Variants in DNAJB11 observed in about 807,000 individuals in gnomAD.
The protein encoded by DNAJB11 is dnaJ homolog subfamily B member 11.
DNAJB11 carries 30 observed loss-of-function variants against 47.2 expected under a neutral mutation model. The ratio of observed to expected loss-of-function variants is 0.64; its 90% confidence interval spans 0.48 to 0.86. DNAJB11 has a LOEUF of 0.86. DNAJB11 is among the 40% of genes least tolerant of loss of function. The probability of loss-of-function intolerance (pLI) is 0.00; values close to 1 mark genes in which losing one functional copy is unlikely to be tolerated. For synonymous variants in DNAJB11, 151 were observed against 159.9 expected (o/e 0.94, Z 0.42); for missense variants, 357 against 440.2 (o/e 0.81, Z 1.69).
chr3:186,570,873 G>A lies in DNAJB11; in HGVS notation c.-25G>A. The A allele has an allele frequency of 6.3e-7, 1 of 1,597,892 alleles. No individual in the cohort carries two copies. Among genetic ancestry groups the A allele is most frequent in the Non-Finnish European group, 8.5e-7 (1 of 1,172,106 alleles). On this transcript the variant is annotated 5_prime_UTR_variant, in exon 1 of 10. Coordinates refer to ENST00000265028, the MANE Select transcript of DNAJB11 (RefSeq NM_016306.6). ...CGGAGGAGGCTGTGAGGAGTGTGTG[G>A]AACAGGACCCGGGACAGAGGAACCA... is the stretch of plus-strand genomic sequence containing the variant.
At chr3:186,581,905 C>T (rs755739463) in intron 5 of DNAJB11, 90 bp from the exon 6 acceptor site, 10 of 1,078,556 alleles carry the variant, frequency 9.3e-6, no homozygotes, top group Non-Finnish European at 1.3e-5. Context: ...CAAGAAAAAG[C>T]TCTGATAAAA....
intron 1 of DNAJB11, among the ~76,000 whole-genome samples, 153 bp from the exon 2 acceptor site, chr3:186,571,942 T>A (rs1406522649): frequency 6.6e-6 from 1 of 152,246 alleles, no homozygotes; most frequent in African/African-American, 2.4e-5. Flanking sequence ...CTCTCTTTAG[T>A]CATTCTTTGT....
At chr3:186,580,076 A>G (rs547978271) in intron 4 of DNAJB11, 1 of 152,346 alleles carries the variant, frequency 6.6e-6, no homozygotes, top group African/African-American at 2.4e-5. Flanking sequence ...TTCATAAACC[A>G]GTGAGGTTGT....
At chr3:186,573,574 ACAG>A in intron 2 of DNAJB11, among the ~76,000 whole-genome samples, 1 of 152,018 alleles carries the variant, frequency 6.6e-6, no homozygotes, top group South Asian at 2.1e-4. Context: ...TTTAGTAGAG[ACAG>A]GGTTTCACTG....
intron 1 of DNAJB11, 94 bp downstream of exon 1, chr3:186,571,059 G>C: frequency 1.8e-6 from 2 of 1,132,860 alleles, no homozygotes; most frequent in Non-Finnish European, 2.5e-6. Flanking sequence ...CCAGACTGAC[G>C]GAGTGGAGAG....
chr3:186,578,950 A>C (rs1715391130), intron 4 of DNAJB11: 1 of 152,208 alleles, frequency 6.6e-6, no homozygotes, highest in African/African-American at 2.4e-5. Flanking sequence ...TGTGCAGTGG[A>C]GCACACTTGT....
chr3:186,571,037 G>GGGGGGGGGGGGGGGGGGGGC, intron 1 of DNAJB11, 72 bp downstream of exon 1: 1 of 940,412 alleles, frequency 1.1e-6, no homozygotes, highest in East Asian at 3.4e-5. Flanking sequence ...GGGGGTGGGG[G>GGGGGGGGGGGGGGGGGGGGC]AAGTGGCATT....
Position 186,584,382 on chromosome 3 carries a change from C to T in DNAJB11, c.853-48C>T. 5 of 1,499,540 alleles carry T rather than the reference C, an allele frequency of 3.3e-6. No individual in the cohort carries two copies. In the East Asian group the frequency reaches 7.1e-5, roughly 21 times the overall value. The allele number at this position is 1,499,540 out of a possible 1,614,324, so 92.9% of individuals were successfully genotyped here. A position where few individuals can be genotyped will look rare whatever the true frequency, so the allele number is the denominator to read the frequency against. On this transcript the variant is annotated intron_variant, in intron 8 of 9. Coordinates refer to ENST00000265028, the MANE Select transcript of DNAJB11 (RefSeq NM_016306.6). ...TGCTCACTAGAAGCTGTGTGATGTA[C>T]TTCAGATGTACCGCTCCTGCTGCAG...
chr3:186,575,982 G>A (rs1476024120), intron 3 of DNAJB11, 45 bp downstream of exon 3: 2 of 1,355,716 alleles, frequency 1.5e-6, no homozygotes, highest in Non-Finnish European at 1.1e-6. Context: ...CTGAGAGAGG[G>A]TCACTTAGCG....
At chr3:186,584,105 A>G in intron 8 of DNAJB11, 129 bp downstream of exon 8, 1 of 711,550 alleles carries the variant, frequency 1.4e-6, no homozygotes, top group Admixed American at 2.3e-5. Context: ...TGCCGTCTGT[A>G]CTTACTCTGC....
At chr3:186,572,748 A>G (rs1460976232) in intron 2 of DNAJB11, among the ~76,000 whole-genome samples, 1 of 152,232 alleles carries the variant, frequency 6.6e-6, no homozygotes, top group Non-Finnish European at 1.5e-5. Flanking sequence ...CTGCCTCCAT[A>G]TTGGGAAGCA....
chr3:186,571,080 G>C, intron 1 of DNAJB11, 115 bp downstream of exon 1: 1 of 1,001,666 alleles, frequency 1.0e-6, no homozygotes, highest in Non-Finnish European at 1.5e-6. Context: ...GGGCATCGCT[G>C]TGGGTTGGCG....
intron 2 of DNAJB11, among the ~76,000 whole-genome samples, chr3:186,575,624 A>C (rs1715264839): frequency 1.3e-5 from 2 of 152,200 alleles, no homozygotes; most frequent in Admixed American, 1.3e-4. Flanking sequence ...TAAATTAAAA[A>C]CATGAATGGA....
chr3:186,575,482 CAA>C (rs921380742), intron 2 of DNAJB11, among the ~76,000 whole-genome samples: 6 of 151,912 alleles, frequency 3.9e-5, no homozygotes, highest in Non-Finnish European at 7.4e-5. Flanking sequence ...GCATAAGCAC[CAA>C]AGTCAAACTG....
At chr3:186,578,108 C>G (rs1352697336) in intron 4 of DNAJB11, 3 of 167,804 alleles carry the variant, frequency 1.8e-5, no homozygotes, top group African/African-American at 7.1e-5. Context: ...GTTCTTTTGC[C>G]ATTCTTACTT....
At position 186,585,507 on chromosome 3, in the gene DNAJB11, G is replaced by A; in HGVS notation, c.*99G>A. On this transcript the variant is annotated 3_prime_UTR_variant, in exon 10 of 10. Transcript: ENST00000265028. ...GTGTTTTTGTTTTTATTTTCAATAT[G>A]CAAGTTAGGCTTAATTTTTTTATCT... 1.2e-6 allele frequency: 1 copy of A among 805,694 alleles called. No individual in the cohort carries two copies. Among genetic ancestry groups the A allele is most frequent in the Non-Finnish European group, 2.0e-6 (1 of 509,186 alleles). The allele number at this position is 805,694 out of a possible 1,614,324, so 49.9% of individuals were successfully genotyped here.
chr3:186,577,895 G>A (rs1057478882), intron 4 of DNAJB11, 95 bp downstream of exon 4: 47 of 1,064,438 alleles, frequency 4.4e-5, no homozygotes, highest in Non-Finnish European at 5.9e-5. Context: ...CTGTCTTTTT[G>A]AGGGTAAGAG....
rs1232869691 is a variant in DNAJB11 at position 186,580,623 on chromosome 3, AT to A, written c.457-745del. ...TCTGATTACTGTTATTGTTGCTATAATTTACTCTGTTGACCTGGGCCTTTCA... is the reference window on the plus strand; with the variant it reads ...TCTGATTACTGTTATTGTTGCTATAATTACTCTGTTGACCTGGGCCTTTCA... On this transcript the variant is annotated intron_variant, in intron 4 of 9. Coordinates refer to ENST00000265028, the MANE Select transcript of DNAJB11 (RefSeq NM_016306.6). The A allele has an allele frequency of 3.3e-5, 5 of 152,202 alleles. No individual in the cohort carries two copies. In the East Asian group the frequency reaches 9.6e-4, roughly 29 times the overall value. The allele number at this position is 152,202 out of a possible 1,614,324, so 9.4% of individuals were successfully genotyped here. A position where few individuals can be genotyped will look rare whatever the true frequency, so the allele number is the denominator to read the frequency against.
In DNAJB11 at chr3:186,584,488, A is replaced by G. The variant is rs1715602447; in HGVS notation, c.911A>G (p.Glu304Gly). Residue 304 changes from glutamate to glycine, a missense_variant, in exon 9 of 10, where the codon GAA becomes GGA. Glu to Gly is a moderately conservative substitution (Grantham distance 98). Coordinates refer to ENST00000265028, the MANE Select transcript of DNAJB11 (RefSeq NM_016306.6). The stretch of plus-strand genomic sequence containing the variant: ...GGAGCGAAGCTATGGAAGAAAGGGG[A>G]AGGGCTCCCCAACTTTGACAACAAC... ...RPGAKLWKKG[E>G]GLPNFDNNNI... 2 of 1,600,052 alleles carry G rather than the reference A, an allele frequency of 1.2e-6. No individual in the cohort carries two copies. The highest frequency in any genetic ancestry group is 1.8e-5 in the Admixed American group (1 of 55,914).
Sources: allele counts gnomAD v4.1 joint callset (sites outside exome capture counted in the v4.1 genomes callset), GRCh38; gene constraint gnomAD v4.1.1; transcripts MANE v1.5; gene names NCBI Gene and HGNC (gene_info 2026-07-23, HGNC 2026-07-21).